COA1: variants seen among roughly 807,000 people sequenced by gnomAD.
The protein encoded by COA1 is cytochrome c oxidase assembly factor 1.
In COA1, 13 loss-of-function variants were observed where a neutral mutation model predicts 16.0. The observed-to-expected ratio is 0.81, with a 90% CI of 0.53 to 1.29. The LOEUF is 1.29. COA1 is among the 50% of genes most tolerant of loss of function. The probability of loss-of-function intolerance (pLI) is 0.00; values close to 1 mark genes in which losing one functional copy is unlikely to be tolerated. For missense variants in COA1, 179 were observed against 177.0 expected (o/e 1.01, Z -0.06); for synonymous variants, 65 against 65.7 (o/e 0.99, Z 0.05).
At chr7:43,621,803 T>G (rs1195243680) in intron 6 of COA1, among the ~76,000 whole-genome samples, 3 of 152,180 alleles carry the variant, frequency 2.0e-5, no homozygotes, top group Admixed American at 1.3e-4. Context: ...AGAAAAAAAC[T>G]AAAAATGATT....
chr7:43,646,257 G>A (rs1028200762), intron 3 of COA1: 3 of 262,760 alleles, frequency 1.1e-5, no homozygotes, highest in Admixed American at 4.4e-5. Context: ...GCATGAACAC[G>A]GTGCCAGCTA....
intron 1 of COA1, among the ~76,000 whole-genome samples, chr7:43,700,473 A>G (rs1004730841): frequency 4.6e-5 from 7 of 151,756 alleles, no homozygotes; most frequent in Non-Finnish European, 8.8e-5. Context: ...ATACGTTACC[A>G]TCACAGAAAA....
At chr7:43,646,048 A>G (rs1214255538) in intron 3 of COA1, 2 of 153,678 alleles carry the variant, frequency 1.3e-5, no homozygotes, top group African/African-American at 2.4e-5. Context: ...TGAAGCTGTA[A>G]GTTCTAATAA....
At chr7:43,609,904 A>C (rs2082698933) in intron 6 of COA1, among the ~76,000 whole-genome samples, 1 of 152,226 alleles carries the variant, frequency 6.6e-6, no homozygotes, top group Non-Finnish European at 1.5e-5. Context: ...GTAGATGCTT[A>C]ATGGCAGTGT....
intron 1 of COA1, among the ~76,000 whole-genome samples, chr7:43,652,268 C>A (rs542713727): frequency 6.6e-6 from 1 of 152,288 alleles, no homozygotes; most frequent in South Asian, 2.1e-4. Context: ...TCTAAATCAG[C>A]GCTTTGCCAA....
In COA1 at chr7:43,623,773, C is replaced by G. The variant is rs754549690; in HGVS notation, c.*134-14278G>C. On this transcript the variant is annotated intron_variant and NMD_transcript_variant, in intron 6 of 6. Transcript: ENST00000415076. ...ATCACCTTTCTTAGGCAATGATAAA[C>G]AAGAAACATTCTTAAACATCTCACA... 3.7e-6 allele frequency: 6 copies of G among 1,608,494 alleles called. No homozygotes were observed. In the South Asian group the frequency reaches 6.7e-5, roughly 18 times the overall value.
chr7:43,644,791 C>CAGACAGACAGACAGAGAGAGAGAGAGAG (rs1563229816), intron 4 of COA1, among the ~76,000 whole-genome samples: 5 of 23,704 alleles, frequency 2.1e-4, no homozygotes, highest in Non-Finnish European at 3.6e-4. Flanking sequence ...GGCAGGCAGG[C>CAGACAGACAGACAGAGAGAGAGAGAGAG]AGAGAGACAG....
intron 1 of COA1, among the ~76,000 whole-genome samples, chr7:43,652,528 G>A (rs1289569969): frequency 6.6e-6 from 1 of 152,190 alleles, no homozygotes; most frequent in African/African-American, 2.4e-5. Flanking sequence ...ACTATTACAT[G>A]CATCTGTCTG....
intron 6 of COA1, chr7:43,622,608 T>A (rs2084023157): frequency 6.6e-6 from 1 of 152,168 alleles, no homozygotes; most frequent in African/African-American, 2.4e-5. Flanking sequence ...GGAGCATTTT[T>A]ATAATATTTT....
chr7:43,644,775 C>T (rs1184371461), intron 4 of COA1, among the ~76,000 whole-genome samples: 115 of 78,732 alleles, frequency 1.5e-3, no homozygotes, highest in African/African-American at 4.6e-3. Flanking sequence ...GGCAGGCAGG[C>T]AGGCAGGCAG....
At chr7:43,664,462 T>C (rs1007292627) in intron 1 of COA1, among the ~76,000 whole-genome samples, 1 of 152,204 alleles carries the variant, frequency 6.6e-6, no homozygotes, top group Admixed American at 6.5e-5. Context: ...TGTCTAGACA[T>C]CACATAAAGA....
chr7:43,617,553 A>T (rs1164969380), intron 6 of COA1, among the ~76,000 whole-genome samples: 1 of 152,200 alleles, frequency 6.6e-6, no homozygotes, highest in Non-Finnish European at 1.5e-5. Flanking sequence ...TGATCATAGC[A>T]TTCACTGAGA....
intron 1 of COA1, among the ~76,000 whole-genome samples, chr7:43,678,592 T>C (rs2093635380): frequency 2.0e-5 from 3 of 152,088 alleles, no homozygotes; most frequent in African/African-American, 7.2e-5. Context: ...ATATAGAATA[T>C]ATAAAGAACT....
chr7:43,684,982 C>T (rs2093951133), intron 1 of COA1, among the ~76,000 whole-genome samples: 1 of 152,016 alleles, frequency 6.6e-6, no homozygotes, highest in Non-Finnish European at 1.5e-5. Flanking sequence ...GTTTTTCTAG[C>T]AGTGAAAACT....
chr7:43,684,594 G>A (rs190251660), intron 1 of COA1, among the ~76,000 whole-genome samples: 4,608 of 152,290 alleles, frequency 0.03, 88 homozygotes, highest in Non-Finnish European at 0.046. Flanking sequence ...GCAAATTCAA[G>A]AGGAAAGGAT....
intron 1 of COA1, among the ~76,000 whole-genome samples, chr7:43,657,577 C>CA (rs1457475289): frequency 6.6e-6 from 1 of 151,732 alleles, no homozygotes; most frequent in African/African-American, 2.4e-5. Context: ...GCACTAGAAA[C>CA]AAAAAAGAGA....
intron 1 of COA1, among the ~76,000 whole-genome samples, chr7:43,704,042 C>A (rs563286834): frequency 6.2e-4 from 94 of 152,284 alleles, no homozygotes; most frequent in Admixed American, 1.0e-3. Context: ...CATTTGCTTG[C>A]CTGAAAAGGA....
chr7:43,663,998 G>A (rs9692448), intron 1 of COA1, among the ~76,000 whole-genome samples: 65,730 of 151,736 alleles, frequency 0.43, 14,708 homozygotes, highest in African/African-American at 0.55. Flanking sequence ...AGAGGCTGCA[G>A]TGAGCCAAGA....
chr7:43,620,085 G>A (rs1040301978), intron 6 of COA1, among the ~76,000 whole-genome samples: 1 of 152,180 alleles, frequency 6.6e-6, no homozygotes, highest in African/African-American at 2.4e-5. Context: ...ATTGACAAAG[G>A]AATTGCCAAG....
Sources: gnomAD v4.1 joint callset for allele counts (sites outside exome capture counted in the v4.1 genomes callset) on GRCh38, gnomAD v4.1.1 for gene constraint, MANE v1.5 for transcripts, NCBI Gene and HGNC (gene_info 2026-07-23, HGNC 2026-07-21) for gene names.